Variants in KIAA0319 observed in about 807,000 individuals in gnomAD.
The protein encoded by KIAA0319 is dyslexia-associated protein KIAA0319.
Under a neutral mutation model 108.4 loss-of-function variants are expected in KIAA0319, and 83 were observed. The ratio of observed to expected loss-of-function variants is 0.77; its 90% confidence interval spans 0.64 to 0.92. The LOEUF is 0.92. Among genes scored for constraint, KIAA0319 ranks in the 40% least tolerant of loss-of-function variants. The pLI, the probability that KIAA0319 is intolerant of heterozygous loss-of-function variation, is 0.00. For synonymous variants in KIAA0319, 484 were observed against 510.4 expected, an observed-to-expected ratio of 0.95 and a Z score of 0.70; for missense variants, 1,195 against 1,322.4, an observed-to-expected ratio of 0.90 and a Z score of 1.49.
intron 5 of KIAA0319, chr6:24,583,203 C>T (rs750827452): frequency 5.2e-5 from 51 of 988,560 alleles, no homozygotes; most frequent in Non-Finnish European, 6.0e-5. Flanking sequence ...ACCTGAGAGC[C>T]GTGATTGTCA....
At chr6:24,575,643 T>C (rs373848415) in intron 10 of KIAA0319, among the ~76,000 whole-genome samples, 3 of 152,256 alleles carry the variant, frequency 2.0e-5, no homozygotes, top group East Asian at 1.9e-4. Flanking sequence ...TAAGTTTCCA[T>C]GGAATGTCCG....
intron 3 of KIAA0319, among the ~76,000 whole-genome samples, chr6:24,592,425 TTTTC>T (rs1245112741): frequency 3.7e-4 from 57 of 152,274 alleles, no homozygotes; most frequent in African/African-American, 6.7e-4. Context: ...AAATAGTTTC[TTTTC>T]TTTCTTTCTT....
chr6:24,540,191 T>C (rs2127393121), downstream of KIAA0319, among the ~76,000 whole-genome samples: 1 of 147,336 alleles, frequency 6.8e-6, no homozygotes, highest in Non-Finnish European at 1.5e-5. Flanking sequence ...AAGTACAGTA[T>C]AATAAATACG....
intron 1 of KIAA0319, among the ~76,000 whole-genome samples, chr6:24,631,734 G>C (rs1775607869): frequency 6.6e-6 from 1 of 152,100 alleles, no homozygotes; most frequent in Admixed American, 6.5e-5. Context: ...TTATCTAACG[G>C]GGTCACCACT....
At chr6:24,598,145 G>A in intron 2 of KIAA0319, 1 of 450,810 alleles carries the variant, frequency 2.2e-6, no homozygotes, top group South Asian at 1.9e-5. Context: ...GGCAGCAGCA[G>A]CAGCTTCCAA....
chr6:24,554,494 C>T, intron 19 of KIAA0319, 47 bp downstream of exon 19: 1 of 1,337,024 alleles, frequency 7.5e-7, no homozygotes, highest in Non-Finnish European at 1.1e-6. Flanking sequence ...TGTCAAAACA[C>T]ACTTAGTGTA....
intron 1 of KIAA0319, among the ~76,000 whole-genome samples, chr6:24,617,944 G>A (rs1036339844): frequency 4.6e-5 from 7 of 152,044 alleles, no homozygotes; most frequent in African/African-American, 1.2e-4. Context: ...CCGAGATTGC[G>A]CCATTGCACT....
intron 11 of KIAA0319, among the ~76,000 whole-genome samples, chr6:24,571,769 T>C (rs865901206): frequency 1.3e-4 from 20 of 152,156 alleles, no homozygotes; most frequent in Non-Finnish European, 1.9e-4. Flanking sequence ...ACCCCTCCCA[T>C]TCTTCACCGA....
chr6:24,637,993 G>A (rs922326912), intron 1 of KIAA0319, among the ~76,000 whole-genome samples: 1 of 152,104 alleles, frequency 6.6e-6, no homozygotes, highest in African/African-American at 2.4e-5. Context: ...TCCCAACACA[G>A]AGCACATAGA....
Position 24,546,969 on chromosome 6 carries a change from C to G in KIAA0319, c.*196G>C, listed in dbSNP as rs1327124978. 2 of 546,654 alleles carry G rather than the reference C, an allele frequency of 3.7e-6. No individual in the cohort carries two copies. The highest frequency in any genetic ancestry group is 3.3e-6 in the Non-Finnish European group (1 of 306,782). 33.9% of individuals were successfully genotyped at this position (546,654 alleles called of 1,614,324 possible). The stretch of plus-strand genomic sequence containing the variant: ...TTTACCCAGCCTTTATTTCTATTAA[C>G]AAGCATCTCAGTTAAAAGAGCAAAG... On this transcript the variant is annotated 3_prime_UTR_variant, in exon 21 of 21. Transcript: ENST00000378214.
chr6:24,583,292 G>A (rs1004627350), intron 5 of KIAA0319: 1 of 985,704 alleles, frequency 1.0e-6, no homozygotes, highest in African/African-American at 1.7e-5. Context: ...CAGGTTCTAT[G>A]GGTTATTACA....
rs565692192 is a variant in KIAA0319, at chr6:24,556,412, C to T, written c.2857+195G>A. On this transcript the variant is annotated intron_variant, in intron 18 of 20. Coordinates refer to ENST00000378214, the MANE Select transcript of KIAA0319 (RefSeq NM_014809.4). ...TTGGACCTCCTCTCAAGCAATCCTC[C>T]CACCTCAGCCTCCTGAGTAGCAGAG... 3.3e-5 allele frequency among the ~76,000 whole-genome samples: 5 copies of T among 152,326 alleles called. No homozygotes were observed. In the South Asian group the frequency reaches 1.0e-3, roughly 32 times the overall value.
intron 2 of KIAA0319, chr6:24,598,112 G>T: frequency 2.3e-6 from 1 of 437,892 alleles, no homozygotes; most frequent in Non-Finnish European, 4.4e-6. Context: ...GCCAGCATCA[G>T]CTCCTTGAGC....
chr6:24,556,636 C>A lies in KIAA0319; in HGVS notation c.2828G>T (p.Arg943Leu), dbSNP rs137950263. The change falls in exon 18 of 21, where the codon CGT becomes CTT. Residue 943 changes from arginine to leucine, a missense_variant. By Grantham distance (102) the Arg-to-Leu change is moderately radical. Coordinates refer to ENST00000378214, the MANE Select transcript of KIAA0319 (RefSeq NM_014809.4). ...GTTGCTCTCTCCATCCCAGATATAA[C>A]GCTGTATAAGGTTCTCCATCCATAA... is the stretch of plus-strand genomic sequence containing the variant. ...SHLWMENLIQ[R>L]YIWDGESNCE... 6.2e-7 allele frequency: 1 copy of A among 1,613,992 alleles called. No individual in the cohort carries two copies. Among genetic ancestry groups the A allele is most frequent in the Non-Finnish European group, 8.5e-7 (1 of 1,179,938 alleles).
chr6:24,595,563 A>AC (rs1554164887), intron 3 of KIAA0319, among the ~76,000 whole-genome samples: 91 of 143,086 alleles, frequency 6.4e-4, no homozygotes, highest in Middle Eastern at 3.7e-3. Flanking sequence ...AAAAAAAAAA[A>AC]AAAAAAACGC....
At chr6:24,567,775 G>A (rs1224126394) in intron 13 of KIAA0319, among the ~76,000 whole-genome samples, 1 of 152,106 alleles carries the variant, frequency 6.6e-6, no homozygotes, top group Non-Finnish European at 1.5e-5. Flanking sequence ...AGGGGCCAGG[G>A]AGCACTAACA....
chr6:24,582,131 G>A, intron 6 of KIAA0319, 118 bp downstream of exon 6: 1 of 662,592 alleles, frequency 1.5e-6, no homozygotes, highest in Non-Finnish European at 2.8e-6. Context: ...GGGCAACAGA[G>A]CAAGACTCTG....
Position 24,578,256 on chromosome 6 carries a change from A to G in KIAA0319, c.1373-14T>C, listed in dbSNP as rs774791182. ...CATCTGTACTTTCTACAAGATTAAG[A>G]AATAAAGACAAGAATGAAATACAAG... On this transcript the variant is annotated splice_polypyrimidine_tract_variant and intron_variant, in intron 8 of 20. Coordinates refer to ENST00000378214, the MANE Select transcript of KIAA0319 (RefSeq NM_014809.4). 14 of 1,550,860 alleles carry G rather than the reference A, an allele frequency of 9.0e-6. No individual in the cohort carries two copies. Among genetic ancestry groups the G allele is most frequent in the Non-Finnish European group, 8.8e-7 (1 of 1,132,570 alleles).
At chr6:24,540,435 C>A (rs990781847), downstream of KIAA0319, among the ~76,000 whole-genome samples, 1 of 152,266 alleles carries the variant, frequency 6.6e-6, no homozygotes, top group Admixed American at 6.5e-5. Context: ...ACAGAAATTT[C>A]ACTATGCCAG....
Sources: allele counts gnomAD v4.1 joint callset (sites outside exome capture counted in the v4.1 genomes callset), GRCh38; gene constraint gnomAD v4.1.1; transcripts MANE v1.5; gene names NCBI Gene and HGNC (gene_info 2026-07-23, HGNC 2026-07-21).